Variants in PPFIBP1 observed in about 807,000 individuals in gnomAD.
The protein encoded by PPFIBP1 is liprin-beta-1.
In PPFIBP1, 112 loss-of-function variants were observed where a neutral mutation model predicts 137.8. The observed-to-expected ratio is 0.81, with a 90% confidence interval of 0.70 to 0.95. The LOEUF is 0.95. Among genes scored for constraint, PPFIBP1 ranks in the 40% least tolerant of loss-of-function variants. The pLI is 0.00. For synonymous variants in PPFIBP1, 378 were observed against 417.3 expected (o/e 0.91, Z 1.15); for missense variants, 1,083 against 1,196.6 (o/e 0.91, Z 1.40).
At chr12:27,628,743 T>A (rs1453265956) in intron 2 of PPFIBP1, among the ~76,000 whole-genome samples, 1 of 152,236 alleles carries the variant, frequency 6.6e-6, no homozygotes, top group Non-Finnish European at 1.5e-5. Flanking sequence ...AATTTTTATT[T>A]CTAATTTCTA....
At chr12:27,545,133 A>G (rs1055977180) in intron 1 of PPFIBP1, among the ~76,000 whole-genome samples, 9 of 152,160 alleles carry the variant, frequency 5.9e-5, no homozygotes, top group Non-Finnish European at 1.2e-4. Flanking sequence ...TAACACAGGA[A>G]CAGAAAACCA....
chr12:27,640,383 C>A (rs1046518307), intron 4 of PPFIBP1, among the ~76,000 whole-genome samples: 5 of 152,310 alleles, frequency 3.3e-5, no homozygotes, highest in Admixed American at 6.5e-5. Flanking sequence ...TATCCTGTCA[C>A]ACATTGCTGG....
intron 17 of PPFIBP1, among the ~76,000 whole-genome samples, chr12:27,674,811 A>ATTTT (rs72418237): frequency 0.019 from 2,071 of 108,668 alleles, 118 homozygotes; most frequent in African/African-American, 0.04. Context: ...CTTTCCCCTG[A>ATTTT]TTTTTTTTTT....
chr12:27,599,655 A>T (rs1022981838), intron 2 of PPFIBP1, among the ~76,000 whole-genome samples: 2 of 152,074 alleles, frequency 1.3e-5, no homozygotes, highest in East Asian at 3.9e-4. Flanking sequence ...ATTAATTTAA[A>T]TTATGAAATA....
In PPFIBP1 at chr12:27,674,811, A is replaced by ATTTTT. The variant is rs72418237; in HGVS notation, c.1410+607_1410+611dup. Among the ~76,000 whole-genome samples the ATTTTT allele has an allele frequency of 5.3e-4, 58 of 108,694 alleles. 1 individual carries two copies. Among genetic ancestry groups the ATTTTT allele is most frequent in the African/African-American group, 8.2e-4 (23 of 27,986 alleles). 71.3% of individuals were successfully genotyped at this position (108,694 alleles called of 152,430 possible). On this transcript the variant is annotated intron_variant, in intron 17 of 29. Coordinates refer to ENST00000228425, the MANE Select transcript of PPFIBP1 (RefSeq NM_003622.4). ...ATGTGCTCAATTCTTCTTTCCCCTGATTTTTTTTTTTTTTTTTTTTTGAAA... is the reference window on the plus strand; with the variant it reads ...ATGTGCTCAATTCTTCTTTCCCCTGATTTTTTTTTTTTTTTTTTTTTTTTTTGAAA...
intron 1 of PPFIBP1, chr12:27,549,396 G>C (rs1946538113): frequency 6.6e-6 from 1 of 152,144 alleles, no homozygotes; most frequent in Non-Finnish European, 1.5e-5. Context: ...TCTGGAGTTA[G>C]GGACATGACC....
At chr12:27,569,037 GC>G (rs1466077909) in intron 1 of PPFIBP1, among the ~76,000 whole-genome samples, 5 of 152,110 alleles carry the variant, frequency 3.3e-5, no homozygotes, top group Admixed American at 3.3e-4. Context: ...TCCCCTAAAT[GC>G]TTTTCTCAGT....
chr12:27,660,170 G>A (rs1431889655), intron 10 of PPFIBP1, among the ~76,000 whole-genome samples: 1 of 152,010 alleles, frequency 6.6e-6, no homozygotes, highest in Non-Finnish European at 1.5e-5. Context: ...GGGATTACAG[G>A]CATGAGCCAC....
intron 7 of PPFIBP1, among the ~76,000 whole-genome samples, chr12:27,652,561 G>A (rs1240158626): frequency 1.3e-5 from 2 of 152,194 alleles, no homozygotes; most frequent in Non-Finnish European, 2.9e-5. Context: ...GTTGTCAGGG[G>A]AAGATGTGAT....
intron 1 of PPFIBP1, among the ~76,000 whole-genome samples, chr12:27,561,728 C>T (rs2049179735): frequency 1.3e-5 from 2 of 152,086 alleles, no homozygotes; most frequent in South Asian, 2.1e-4. Flanking sequence ...CACTCCTCTG[C>T]CTCTGCACAT....
chr12:27,602,865 T>C (rs1387574773), intron 2 of PPFIBP1, among the ~76,000 whole-genome samples: 2 of 152,206 alleles, frequency 1.3e-5, no homozygotes, highest in African/African-American at 4.8e-5. Context: ...CCTCATTTAG[T>C]TTTTGCAACA....
chr12:27,676,370 G>A, intron 17 of PPFIBP1, 58 bp from the exon 18 acceptor site: 4 of 1,319,064 alleles, frequency 3.0e-6, no homozygotes, highest in Non-Finnish European at 4.0e-6. Context: ...TGTTAGCCTG[G>A]CATGTGCTGA....
intron 4 of PPFIBP1, among the ~76,000 whole-genome samples, chr12:27,642,107 C>T (rs970412740): frequency 1.3e-5 from 2 of 152,176 alleles, no homozygotes; most frequent in Non-Finnish European, 2.9e-5. Context: ...CTCTAAGATT[C>T]TGTAATTCTA....
At chr12:27,633,600 T>A (rs1298000785) in intron 3 of PPFIBP1, 140 bp downstream of exon 3, 5 of 667,608 alleles carry the variant, frequency 7.5e-6, no homozygotes, top group Non-Finnish European at 9.9e-6. Flanking sequence ...ATTTCATCTT[T>A]GTTCCTCTTC....
chr12:27,595,316 C>T (rs146747648), intron 2 of PPFIBP1, among the ~76,000 whole-genome samples: 1 of 152,162 alleles, frequency 6.6e-6, no homozygotes, highest in African/African-American at 2.4e-5. Context: ...GACTGTCACA[C>T]CCTGCTCTGG....
chr12:27,527,824 A>G (rs948253543), intron 1 of PPFIBP1, among the ~76,000 whole-genome samples: 1 of 152,150 alleles, frequency 6.6e-6, no homozygotes, highest in Non-Finnish European at 1.5e-5. Flanking sequence ...TCAGGGAGCC[A>G]TAATCATAAC....
chr12:27,606,577 G>A (rs976235523), intron 2 of PPFIBP1, among the ~76,000 whole-genome samples: 1 of 152,194 alleles, frequency 6.6e-6, no homozygotes, highest in South Asian at 2.1e-4. Flanking sequence ...AGGAGAAATA[G>A]GCCAAAGGAT....
intron 1 of PPFIBP1, among the ~76,000 whole-genome samples, chr12:27,533,172 A>C (rs1049886963): frequency 2.6e-5 from 4 of 152,114 alleles, no homozygotes; most frequent in African/African-American, 9.7e-5. Context: ...GGCTAAGTGA[A>C]AGTTGAATTT....
chr12:27,681,753 T>C, intron 22 of PPFIBP1, 57 bp downstream of exon 22: 7 of 1,587,738 alleles, frequency 4.4e-6, no homozygotes, highest in Non-Finnish European at 6.0e-6. Context: ...ACAGTATGAA[T>C]GTAGGGTTGT....
Sources: allele counts gnomAD v4.1 joint callset (sites outside exome capture counted in the v4.1 genomes callset), GRCh38; gene constraint gnomAD v4.1.1; transcripts MANE v1.5; gene names NCBI Gene and HGNC (gene_info 2026-07-23, HGNC 2026-07-21).